PCDHGA8: variants seen among roughly 807,000 people sequenced by gnomAD.
PCDHGA8 encodes the protein protocadherin gamma subfamily A, 8, also known as protocadherin gamma-A8.
Under a neutral mutation model 59.2 loss-of-function variants are expected in PCDHGA8, and 45 were observed. The ratio of observed to expected loss-of-function variants is 0.76; its 90% CI spans 0.60 to 0.98. PCDHGA8 has a LOEUF of 0.98. PCDHGA8 is among the 50% of genes least tolerant of loss of function. The pLI is 0.00. For missense variants in PCDHGA8, 1,257 were observed against 1,196.2 expected (o/e 1.05, Z -0.75); for synonymous variants, 531 against 519.0 (o/e 1.02, Z -0.32).
chr5:141,394,966 G>T lies in PCDHGA8; in HGVS notation c.2153G>T (p.Arg718Leu), dbSNP rs758463890. 3 of 1,613,886 alleles carry T rather than the reference G, an allele frequency of 1.9e-6. No homozygotes were observed. The highest frequency in any genetic ancestry group is 1.6e-4 in the Middle Eastern group (1 of 6,062). Residue 718 changes from arginine to leucine, a missense_variant, in exon 1 of 4, where the codon CGC becomes CTC. Transcript: ENST00000398604. ...GTGCTTCTGGGGCTCAGGCTGAGGC[G>T]CTGGCACAAGTCACGCCTGCTCCAG... ...VAVLLGLRLR[R>L]WHKSRLLQDS...
intron 1 of PCDHGA8, chr5:141,423,757 G>A: frequency 5.1e-6 from 2 of 395,134 alleles, no homozygotes; most frequent in Non-Finnish European, 7.1e-6. Flanking sequence ...GTTTGGGGGG[G>A]GGGTGGGGCG....
intron 1 of PCDHGA8, chr5:141,419,592 T>C (rs1561782617): frequency 6.2e-7 from 1 of 1,611,670 alleles, no homozygotes. Context: ...TTCGACACAG[T>C]GCCGCGGGCC....
intron 1 of PCDHGA8, chr5:141,395,547 TGTGTGTGTGTGTGTGTGTGTG>T (rs2093271294): frequency 4.6e-5 from 8 of 174,262 alleles, no homozygotes; most frequent in Non-Finnish European, 8.3e-5. Context: ...ATTGTTTGTG[TGTGTGTGTGTGTGTGTGTGTG>T]TGTGTGTGTG....
At chr5:141,470,182 G>A (rs540599468) in intron 1 of PCDHGA8, among the ~76,000 whole-genome samples, 1 of 152,262 alleles carries the variant, frequency 6.6e-6, no homozygotes, top group Non-Finnish European at 1.5e-5. Context: ...AAATATTCAA[G>A]TAAACTTCAG....
rs1263728099 is a variant in PCDHGA8, at chr5:141,476,079, G to T, written c.2425-18728G>T. Reference sequence around the variant, plus strand: ...AGTTTCTCAGCGAAATCTCAGGGACGATCTGGACCCCGCTGAGAGGAACTG... The same window carrying T: ...AGTTTCTCAGCGAAATCTCAGGGACTATCTGGACCCCGCTGAGAGGAACTG... On this transcript the variant is annotated intron_variant, in intron 1 of 3. Coordinates refer to ENST00000398604, the MANE Select transcript of PCDHGA8 (RefSeq NM_032088.2). This position sits in a 1 kb window ranked among gnomAD's most constrained non-coding sequence, Gnocchi z 7.6. 3 of 1,537,560 alleles carry T rather than the reference G, an allele frequency of 2.0e-6. No homozygotes were observed. Among genetic ancestry groups the T allele is most frequent in the African/African-American group, 1.4e-5 (1 of 72,808 alleles).
In PCDHGA8 at chr5:141,485,972, T is replaced by G; in HGVS notation, c.2425-8835T>G. ...CATGGTGCTCATCCAGCTCAATGCC[T>G]CAGACCCGGACCTGGGTCCCAGTGG... On this transcript the variant is annotated intron_variant, in intron 1 of 3. Transcript: ENST00000398604. The surrounding 1 kb of genome is among the most constrained non-coding windows in gnomAD (Gnocchi z 5.7). 1 of 1,614,184 alleles carries G rather than the reference T, an allele frequency of 6.2e-7. No individual in the cohort carries two copies. Among genetic ancestry groups the G allele is most frequent in the Non-Finnish European group, 8.5e-7 (1 of 1,180,022 alleles).
chr5:141,411,001 C>G lies in PCDHGA8; in HGVS notation c.2424+15764C>G, dbSNP rs2095456042. 1.8e-5 allele frequency: 3 copies of G among 168,822 alleles called. No individual in the cohort carries two copies. The South Asian group carries it at 4.7e-4, about 26-fold the overall frequency. The allele number at this position is 168,822 out of a possible 1,614,324, so 10.5% of individuals were successfully genotyped here. ...CCCAAGTAGCTGGGATTACTGGTGC[C>G]CCTCACCACAGCTAAATTTTTTGTA... On this transcript the variant is annotated intron_variant, in intron 1 of 3. Coordinates refer to ENST00000398604, the MANE Select transcript of PCDHGA8 (RefSeq NM_032088.2).
At chr5:141,418,031 G>A (rs760396058) in intron 1 of PCDHGA8, 1 of 1,614,022 alleles carries the variant, frequency 6.2e-7, no homozygotes, top group Non-Finnish European at 8.5e-7. Context: ...AGGGCTTAGT[G>A]TCCTGGATGT....
intron 1 of PCDHGA8, chr5:141,421,587 G>A: frequency 1.2e-6 from 2 of 1,613,900 alleles, no homozygotes; most frequent in South Asian, 1.1e-5. Context: ...TTTACGGAGT[G>A]GAGGTGGAAA....
At chr5:141,452,084 C>CGG (rs1561946918) in intron 1 of PCDHGA8, among the ~76,000 whole-genome samples, 1 of 152,170 alleles carries the variant, frequency 6.6e-6, no homozygotes, top group Non-Finnish European at 1.5e-5. Context: ...TGGCATTATA[C>CGG]AGTAAGAAAG....
rs2099400874 is a variant in PCDHGA8 at position 141,476,888 on chromosome 5, C to T, written c.2425-17919C>T. On this transcript the variant is annotated intron_variant, in intron 1 of 3. Transcript: ENST00000398604. This position sits in a 1 kb window ranked among gnomAD's most constrained non-coding sequence, Gnocchi z 7.6. ...CCGGGCGCGCGTCCTGGAGGATGCA[C>T]CCTCCGGCACGCGCGTGGTACAAGT... is the stretch of plus-strand genomic sequence containing the variant. 1.2e-6 allele frequency: 2 copies of T among 1,613,964 alleles called. No homozygotes were observed. The highest frequency in any genetic ancestry group is 1.7e-6 in the Non-Finnish European group (2 of 1,180,030).
chr5:141,436,080 T>C (rs755968267), intron 1 of PCDHGA8, among the ~76,000 whole-genome samples: 1 of 152,204 alleles, frequency 6.6e-6, no homozygotes, highest in Admixed American at 6.5e-5. Context: ...CAGTGTTCTA[T>C]AGGTAATATT....
At position 141,486,791 on chromosome 5, in the gene PCDHGA8, C is replaced by T. The variant is rs766519569; in HGVS notation, c.2425-8016C>T. 1.8e-5 allele frequency: 29 copies of T among 1,614,108 alleles called. No homozygotes were observed. The highest frequency in any genetic ancestry group is 2.2e-5 in the Non-Finnish European group (26 of 1,180,054). On this transcript the variant is annotated intron_variant, in intron 1 of 3. Coordinates refer to ENST00000398604, the MANE Select transcript of PCDHGA8 (RefSeq NM_032088.2). The surrounding 1 kb of genome is among the most constrained non-coding windows in gnomAD (Gnocchi z 5.0). ...GCAGTTTGAGGTGCAGGCCCGGGAT[C>T]GGGGCAACCCACCCCTTAGCAGCAC...
At chr5:141,474,920 C>A (rs1363277892) in intron 1 of PCDHGA8, among the ~76,000 whole-genome samples, 2 of 152,232 alleles carry the variant, frequency 1.3e-5, no homozygotes, top group Admixed American at 6.5e-5. Context: ...TACATCTCAT[C>A]TCTGGCTTAT....
At chr5:141,403,365 T>C in intron 1 of PCDHGA8, 1 of 1,614,024 alleles carries the variant, frequency 6.2e-7, no homozygotes, top group Non-Finnish European at 8.5e-7. Flanking sequence ...GCCGAAAGTC[T>C]GGAAGTAAAA....
intron 1 of PCDHGA8, chr5:141,417,759 C>T: frequency 7.0e-7 from 1 of 1,437,100 alleles, no homozygotes; most frequent in South Asian, 1.5e-5. Flanking sequence ...AGCTCCGAGA[C>T]CCGGGACTCC....
intron 1 of PCDHGA8, chr5:141,427,892 C>A (rs752723370): frequency 9.9e-5 from 155 of 1,567,044 alleles, no homozygotes; most frequent in Non-Finnish European, 1.3e-4. Context: ...ACGACCAGGG[C>A]TCGCCCGCGC....
In PCDHGA8 at chr5:141,485,632, G is replaced by A. The variant is rs1335265010; in HGVS notation, c.2425-9175G>A. On this transcript the variant is annotated intron_variant, in intron 1 of 3. Transcript: ENST00000398604. This position sits in a 1 kb window ranked among gnomAD's most constrained non-coding sequence, Gnocchi z 5.7. ...CAGCTCCTCCAGGACAGCGTTTCCCGTTGGAAAAGGCTCAGGATGCAGATG... is the reference window on the plus strand; with the variant it reads ...CAGCTCCTCCAGGACAGCGTTTCCCATTGGAAAAGGCTCAGGATGCAGATG... 1.2e-6 allele frequency: 2 copies of A among 1,611,766 alleles called. No homozygotes were observed. The highest frequency in any genetic ancestry group is 1.7e-6 in the Non-Finnish European group (2 of 1,178,342).
chr5:141,404,300 C>T (rs749132060), intron 1 of PCDHGA8: 3 of 1,613,862 alleles, frequency 1.9e-6, no homozygotes, highest in South Asian at 2.2e-5. Flanking sequence ...TGATAATCCA[C>T]CTGCTTTCTC....
Sources: gnomAD v4.1 joint callset for allele counts (sites outside exome capture counted in the v4.1 genomes callset) on GRCh38, gnomAD v4.1.1 for gene constraint, Gnocchi (gnomAD v3.1) non-coding constraint, MANE v1.5 for transcripts, NCBI Gene and HGNC (gene_info 2026-07-23, HGNC 2026-07-21) for gene names.